DOCK6: variants seen among roughly 807,000 people sequenced by gnomAD.
The protein encoded by DOCK6 is dedicator of cytokinesis 6.
Under a neutral mutation model 230.3 loss-of-function variants are expected in DOCK6, and 167 were observed. The ratio of observed to expected loss-of-function variants is 0.73; its 90% CI spans 0.64 to 0.82. The LOEUF is 0.82. Among genes scored for constraint, DOCK6 ranks in the 40% least tolerant of loss-of-function variants. The probability of loss-of-function intolerance (pLI) is 0.00; values close to 1 mark genes in which losing one functional copy is unlikely to be tolerated. For synonymous variants in DOCK6, 1,148 were observed against 1,185.0 expected (o/e 0.97, Z 0.64); for missense variants, 2,598 against 2,825.8 (o/e 0.92, Z 1.83).
chr19:11,232,060 G>T (rs2079773256), intron 22 of DOCK6: 3 of 572,464 alleles, frequency 5.2e-6, no homozygotes, highest in Non-Finnish European at 7.9e-6. Flanking sequence ...CCAAACAAAG[G>T]CAGGAGAGGG....
Position 11,201,826 on chromosome 19 carries a change from C to T in DOCK6, c.5688+63G>A. On this transcript the variant is annotated intron_variant, in intron 44 of 47. Coordinates refer to ENST00000294618, the MANE Select transcript of DOCK6 (RefSeq NM_020812.4). The surrounding 1 kb of genome is among the most constrained non-coding windows in gnomAD (Gnocchi z 4.3). The stretch of plus-strand genomic sequence containing the variant: ...GGGTCCCTGTGTCTACCCTCCCCTC[C>T]CCTCCCAGGGTCTGATGTCCCCTCA... 7.7e-7 allele frequency: 1 copy of T among 1,293,446 alleles called. No homozygotes were observed. The highest frequency in any genetic ancestry group is 1.1e-6 in the Non-Finnish European group (1 of 944,188). The allele number at this position is 1,293,446 out of a possible 1,614,324, so 80.1% of individuals were successfully genotyped here.
At chr19:11,227,263 A>C in intron 24 of DOCK6, 74 bp downstream of exon 24, 1 of 1,576,704 alleles carries the variant, frequency 6.3e-7, no homozygotes, top group East Asian at 2.3e-5. Context: ...ACTGGGCAGG[A>C]TTGGCGCCCC....
intron 14 of DOCK6, chr19:11,241,590 G>A (rs764289104): frequency 1.9e-6 from 3 of 1,555,960 alleles, no homozygotes; most frequent in Non-Finnish European, 2.6e-6. Flanking sequence ...CAGGGCAGTT[G>A]GATGGGGGGC....
Position 11,201,022 on chromosome 19 carries a change from C to T in DOCK6, c.5719G>A (p.Glu1907Lys), listed in dbSNP as rs780857718. The change falls in exon 45 of 48, where the codon GAG becomes AAG. Residue 1907 changes from glutamate to lysine, a missense_variant. By Grantham distance (56) the Glu-to-Lys change is moderately conservative. Coordinates refer to ENST00000294618, the MANE Select transcript of DOCK6 (RefSeq NM_020812.4). This position sits in a 1 kb window ranked among gnomAD's most constrained non-coding sequence, Gnocchi z 4.3. ...TCCCGTGTCTTCTTCTGCATGTCCT[C>T]GATGGCCACCTCCACTGGCGTCAGC... ...TVLTPVEVAI[E>K]DMQKKTRELA... 9.3e-6 allele frequency: 15 copies of T among 1,613,786 alleles called. No individual in the cohort carries two copies. Among genetic ancestry groups the T allele is most frequent in the East Asian group, 2.2e-5 (1 of 44,886 alleles).
chr19:11,242,507 T>C (rs1335708902), intron 13 of DOCK6, among the ~76,000 whole-genome samples: 2 of 152,136 alleles, frequency 1.3e-5, no homozygotes, highest in South Asian at 4.1e-4. Context: ...TTCTCCTGCC[T>C]CAGCCTCCCA....
Position 11,200,166 on chromosome 19 carries a change from A to G in DOCK6, c.6101+142T>C. On this transcript the variant is annotated intron_variant, in intron 47 of 47. Transcript: ENST00000294618. This position sits in a 1 kb window ranked among gnomAD's most constrained non-coding sequence, Gnocchi z 4.3. ...AGTCTCTCAAAAAAAAAAACAAAAA[A>G]AAAACCGGAAACAAAACAAAGTCCA... 1 of 934,714 alleles carries G rather than the reference A, an allele frequency of 1.1e-6. No homozygotes were observed. The highest frequency in any genetic ancestry group is 1.5e-6 in the Non-Finnish European group (1 of 654,110). The allele number at this position is 934,714 out of a possible 1,614,324, so 57.9% of individuals were successfully genotyped here.
rs2080144932 is a variant in DOCK6 at position 11,253,082 on chromosome 19, G to A, written c.133-124C>T. 4.1e-6 allele frequency: 4 copies of A among 976,362 alleles called. No homozygotes were observed. In the Admixed American group the frequency reaches 7.8e-5, roughly 19 times the overall value. 60.5% of individuals were successfully genotyped at this position (976,362 alleles called of 1,614,324 possible). A position where few individuals can be genotyped will look rare whatever the true frequency, so the allele number is the denominator to read the frequency against. On this transcript the variant is annotated intron_variant, in intron 2 of 47. Coordinates refer to ENST00000294618, the MANE Select transcript of DOCK6 (RefSeq NM_020812.4). ...GAGGGCGGTGGGAGCCATGGAGGGT[G>A]TTGGAGTTACGGAGGAACCATGGAG... is the stretch of plus-strand genomic sequence containing the variant.
At chr19:11,245,184 T>C (rs72996206) in intron 9 of DOCK6, among the ~76,000 whole-genome samples, 1,672 of 152,298 alleles carry the variant, frequency 0.011, 49 homozygotes, top group East Asian at 0.11. Context: ...TAGAAGGTTT[T>C]GAGAAAAGAA....
Position 11,236,727 on chromosome 19 carries a change from T to TA in DOCK6, c.2160+65dup, listed in dbSNP as rs1434757850. 176 of 1,540,152 alleles carry TA rather than the reference T, an allele frequency of 1.1e-4. No homozygotes were observed. The highest frequency in any genetic ancestry group is 1.4e-4 in the Non-Finnish European group (161 of 1,137,762). ...GACCTCCCCGGCCATCGGCAACTGT[T>TA]ACTCAATCGTAGGGCAGGCAAGAGG... is the stretch of plus-strand genomic sequence containing the variant. On this transcript the variant is annotated intron_variant, in intron 19 of 47. Coordinates refer to ENST00000294618, the MANE Select transcript of DOCK6 (RefSeq NM_020812.4). The surrounding 1 kb of genome is among the most constrained non-coding windows in gnomAD (Gnocchi z 5.2).
At position 11,243,947 on chromosome 19, in the gene DOCK6, C is replaced by T. The variant is rs545719683; in HGVS notation, c.1024-65G>A. On this transcript the variant is annotated intron_variant, in intron 9 of 47. Coordinates refer to ENST00000294618, the MANE Select transcript of DOCK6 (RefSeq NM_020812.4). The surrounding 1 kb of genome is among the most constrained non-coding windows in gnomAD (Gnocchi z 6.3). ...AACGCTCTGTTCCCCCGTGCTGGCT[C>T]CCCAGCCTCCTGGACCCCTCATGGG... The T allele has an allele frequency of 7.5e-5, 115 of 1,529,642 alleles. No individual in the cohort carries two copies. The highest frequency in any genetic ancestry group is 5.4e-4 in the African/African-American group (39 of 72,860). The allele number at this position is 1,529,642 out of a possible 1,614,324, so 94.8% of individuals were successfully genotyped here.
rs766123847 is a variant in DOCK6 at position 11,201,082 on chromosome 19, G to C, written c.5689-30C>G. On this transcript the variant is annotated intron_variant, in intron 44 of 47. Transcript: ENST00000294618. The surrounding 1 kb of genome is among the most constrained non-coding windows in gnomAD (Gnocchi z 4.3). ...GGGGTAAGGGGAGGGGTGTGTACTC[G>C]CTGGGGCCTGAGGAGGTCCTGATCG... 1 of 1,610,336 alleles carries C rather than the reference G, an allele frequency of 6.2e-7. No homozygotes were observed. Among genetic ancestry groups the C allele is most frequent in the South Asian group, 1.1e-5 (1 of 90,658 alleles).
At chr19:11,239,247 C>T (rs1442220030) in intron 14 of DOCK6, among the ~76,000 whole-genome samples, 1 of 152,176 alleles carries the variant, frequency 6.6e-6, no homozygotes, top group African/African-American at 2.4e-5. Context: ...GGGAGGGGAA[C>T]AAGAGCAGAT....
Position 11,252,934 on chromosome 19 carries a change from G to A in DOCK6, c.157C>T (p.Pro53Ser), listed in dbSNP as rs1237004382. Reference sequence around the variant, plus strand: ...AGAAGTACATCCTCAAAGTCCAGGGGCTCGACAACTTCAGTCAGTGGGACC... The same window carrying A: ...AGAAGTACATCCTCAAAGTCCAGGGACTCGACAACTTCAGTCAGTGGGACC... ...LGVPLTEVVE[P>S]LDFEDVLLSR... is the part of the protein sequence containing the mutation. Residue 53 changes from proline (P) to serine (S), a missense_variant, in exon 3 of 48, where the codon CCC becomes TCC. Transcript: ENST00000294618. The A allele has an allele frequency of 6.2e-7, 1 of 1,610,518 alleles. No homozygotes were observed. Among genetic ancestry groups the A allele is most frequent in the South Asian group, 1.1e-5 (1 of 90,478 alleles).
chr19:11,208,668 C>A lies in DOCK6; in HGVS notation c.5088+18G>T. On this transcript the variant is annotated intron_variant, in intron 39 of 47. Coordinates refer to ENST00000294618, the MANE Select transcript of DOCK6 (RefSeq NM_020812.4). ...TGGCCCGAGCCCCCTCTCCTGCACC[C>A]AGTCCCCAAGGCCTCACCATGGTGA... is the stretch of plus-strand genomic sequence containing the variant. 1 of 1,603,580 alleles carries A rather than the reference C, an allele frequency of 6.2e-7. No homozygotes were observed.
intron 39 of DOCK6, among the ~76,000 whole-genome samples, chr19:11,205,353 C>T (rs1371280174): frequency 1.3e-5 from 2 of 152,096 alleles, no homozygotes; most frequent in Non-Finnish European, 2.9e-5. Context: ...TATCCCTCCC[C>T]TTAACCCCAC....
chr19:11,250,916 G>T lies in DOCK6; in HGVS notation c.678C>A (p.His226Gln). Residue 226 changes from histidine (H) to glutamine (Q), a missense_variant, in exon 6 of 48, where the codon CAC becomes CAA. Physicochemically the swap from His to Gln is conservative, Grantham distance 24. Transcript: ENST00000294618. ...DRRNETLRRQ[H>Q]RPPALLTLYP... The stretch of plus-strand genomic sequence containing the variant: ...AGAGGGTGAGCAGGGCCGGGGGCCG[G>T]TGCTGCCGTCGAAGGGTTTCATTGC... 1 of 1,606,428 alleles carries T rather than the reference G, an allele frequency of 6.2e-7. No individual in the cohort carries two copies.
chr19:11,243,592 G>C lies in DOCK6; in HGVS notation c.1223C>G (p.Ala408Gly), dbSNP rs779843581. Reference protein sequence around the residue: ...AVHLANIVSSAGQLDRDSDSE... With the variant: ...AVHLANIVSSGGQLDRDSDSE... ...GTCAGAGTCCCGGTCCAGCTGCCCA[G>C]CGCTGCTCACGATGTTGGCCAAGTG... Residue 408 changes from alanine to glycine, a missense_variant, in exon 11 of 48, where the codon GCT becomes GGT. Transcript: ENST00000294618. The surrounding 1 kb of genome is among the most constrained non-coding windows in gnomAD (Gnocchi z 6.3). 3 of 1,609,578 alleles carry C rather than the reference G, an allele frequency of 1.9e-6. No homozygotes were observed. In the African/African-American group the frequency reaches 4.0e-5, roughly 22 times the overall value.
intron 22 of DOCK6, chr19:11,229,354 G>T: frequency 8.8e-7 from 1 of 1,130,810 alleles, no homozygotes; most frequent in East Asian, 5.1e-5. Flanking sequence ...GAACCCTCGA[G>T]GTAGGAGGAG....
intron 20 of DOCK6, 67 bp from the exon 21 acceptor site, chr19:11,235,826 A>G: frequency 6.6e-7 from 1 of 1,507,916 alleles, no homozygotes; most frequent in African/African-American, 1.4e-5. Context: ...CACTTTCCAA[A>G]TATAAAGACA....
Sources: allele counts gnomAD v4.1 joint callset (sites outside exome capture counted in the v4.1 genomes callset), GRCh38; gene constraint gnomAD v4.1.1; non-coding constraint Gnocchi (gnomAD v3.1); transcripts MANE v1.5; gene names NCBI Gene and HGNC (gene_info 2026-07-23, HGNC 2026-07-21).